Variants in RANBP2 observed in about 807,000 individuals in gnomAD.
The protein encoded by RANBP2 is E3 SUMO-protein ligase RanBP2.
Under a neutral mutation model 303.6 loss-of-function variants are expected in RANBP2, and 57 were observed. That is an observed-to-expected ratio of 0.19 (90% CI 0.15 to 0.23). The LOEUF is 0.23. Among genes scored for constraint, RANBP2 ranks in the 10% least tolerant of loss-of-function variants. The pLI is 1.00. For synonymous variants in RANBP2, 1,167 were observed against 1,301.5 expected, an observed-to-expected ratio of 0.90 and a Z score of 2.23; for missense variants, 3,138 against 3,780.8, an observed-to-expected ratio of 0.83 and a Z score of 4.46.
chr2:109,054,637 T>C, the RANBP2 span, among the ~76,000 whole-genome samples: 2 of 150,748 alleles, frequency 1.3e-5, no homozygotes, highest in Non-Finnish European at 1.5e-5. Flanking sequence ...GAGGTGGAGG[T>C]TGCAGTGAGC....
chr2:109,415,856 C>G, the RANBP2 span, among the ~76,000 whole-genome samples: 1 of 152,154 alleles, frequency 6.6e-6, no homozygotes, highest in Non-Finnish European at 1.5e-5. Context: ...AATTTAATCC[C>G]CCAGGCGCAG....
intron 7 of RANBP2, among the ~76,000 whole-genome samples, chr2:108,741,728 G>T: frequency 6.7e-6 from 1 of 148,344 alleles, no homozygotes; most frequent in African/African-American, 2.5e-5. Context: ...TAGCCAGGAT[G>T]GTCTCAATCT....
chr2:109,297,981 C>T, the RANBP2 span, among the ~76,000 whole-genome samples: 1 of 152,186 alleles, frequency 6.6e-6, no homozygotes, highest in Non-Finnish European at 1.5e-5. Context: ...GTGCCCCAGG[C>T]AGCCTTGGGT....
chr2:109,003,188 AAAG>A, the RANBP2 span, among the ~76,000 whole-genome samples: 1 of 145,676 alleles, frequency 6.9e-6, no homozygotes. Flanking sequence ...CCTGGGTGAC[AAAG>A]TGAGTCTCCC....
the RANBP2 span, among the ~76,000 whole-genome samples, chr2:109,366,464 G>C: frequency 6.9e-3 from 1,040 of 149,918 alleles, 8 homozygotes; most frequent in African/African-American, 0.024. Flanking sequence ...TTTCTAAAAG[G>C]CATGAATGTA....
chr2:108,888,250 G>A, the RANBP2 span, among the ~76,000 whole-genome samples: 1 of 152,080 alleles, frequency 6.6e-6, no homozygotes, highest in East Asian at 1.9e-4. Context: ...TTAATGTGCT[G>A]TTGGATTTGG....
At chr2:109,129,903 C>T in the RANBP2 span, 1 of 1,507,594 alleles carries the variant, frequency 6.6e-7, no homozygotes, top group Non-Finnish European at 8.8e-7. Context: ...TGGACGGCAT[C>T]CGTCAGCGGC....
chr2:108,912,864 C>T, the RANBP2 span: 1 of 998,986 alleles, frequency 1.0e-6, no homozygotes, highest in Non-Finnish European at 1.5e-6. Flanking sequence ...CATGAATGGG[C>T]CTGAGGCAGT....
downstream of RANBP2, chr2:108,786,773 G>C (rs1573873534): frequency 6.6e-7 from 1 of 1,507,152 alleles, no homozygotes; most frequent in East Asian, 2.4e-5. Context: ...GTAGCGCCGC[G>C]GGTTTGATGA....
At chr2:109,376,153 G>C in the RANBP2 span, among the ~76,000 whole-genome samples, 1 of 152,228 alleles carries the variant, frequency 6.6e-6, no homozygotes, top group Non-Finnish European at 1.5e-5. Context: ...GTCCATTGCT[G>C]TGTTGATTGA....
chr2:109,255,306 C>A, the RANBP2 span, among the ~76,000 whole-genome samples: 1 of 152,136 alleles, frequency 6.6e-6, no homozygotes, highest in Non-Finnish European at 1.5e-5. Flanking sequence ...GACCCCATAC[C>A]ACCCACCGGT....
chr2:109,727,291 A>C, the RANBP2 span, among the ~76,000 whole-genome samples: 2 of 152,216 alleles, frequency 1.3e-5, no homozygotes, highest in African/African-American at 4.8e-5. Flanking sequence ...CCAGAGATAC[A>C]AATAACCTGT....
At chr2:108,910,876 G>A in the RANBP2 span, 2 of 1,614,088 alleles carry the variant, frequency 1.2e-6, no homozygotes, top group South Asian at 2.2e-5. Flanking sequence ...GGAGTGAGCA[G>A]CCAGGCTCTC....
the RANBP2 span, among the ~76,000 whole-genome samples, chr2:109,203,876 C>G: frequency 6.6e-6 from 1 of 152,208 alleles, no homozygotes; most frequent in East Asian, 1.9e-4. Context: ...CCTTCTTGTT[C>G]CCTGTGCGGC....
chr2:108,723,693 C>T (rs1573678554), intron 1 of RANBP2, among the ~76,000 whole-genome samples: 1 of 152,134 alleles, frequency 6.6e-6, no homozygotes. Flanking sequence ...GAATATTTAA[C>T]ATTTATATAA....
chr2:109,527,514 G>A, the RANBP2 span, among the ~76,000 whole-genome samples: 4 of 152,150 alleles, frequency 2.6e-5, no homozygotes, highest in African/African-American at 7.2e-5. Flanking sequence ...GAGGAATAAC[G>A]CAGGCCCTGT....
At chr2:109,060,481 A>G in the RANBP2 span, among the ~76,000 whole-genome samples, 7 of 152,210 alleles carry the variant, frequency 4.6e-5, no homozygotes, top group South Asian at 1.2e-3. Flanking sequence ...AATCAGGACC[A>G]TCATACTTGC....
the RANBP2 span, among the ~76,000 whole-genome samples, chr2:108,926,859 A>G: frequency 6.6e-6 from 1 of 152,188 alleles, no homozygotes; most frequent in Non-Finnish European, 1.5e-5. Flanking sequence ...TTCAGGAATG[A>G]ACGCAGCCTT....
the RANBP2 span, among the ~76,000 whole-genome samples, chr2:109,387,708 A>G: frequency 2.0e-5 from 3 of 152,174 alleles, no homozygotes; most frequent in Non-Finnish European, 4.4e-5. Flanking sequence ...AACGTCCTCT[A>G]TGTAATGAAA....
Sources: gnomAD v4.1 joint callset for allele counts (sites outside exome capture counted in the v4.1 genomes callset) on GRCh38, gnomAD v4.1.1 for gene constraint, MANE v1.5 for transcripts, NCBI Gene and HGNC (gene_info 2026-07-23, HGNC 2026-07-21) for gene names.